Variants in ADGRF4 observed in about 807,000 individuals in gnomAD.
ADGRF4 encodes G-protein coupled receptor PGR18.
In ADGRF4, 63 loss-of-function variants were observed where a neutral mutation model predicts 58.5. The observed-to-expected ratio is 1.08, with a 90% CI of 0.88 to 1.33. The LOEUF is 1.33. Ranked by LOEUF, ADGRF4 falls within the 40% of genes most tolerant of loss-of-function variation. The pLI, the probability that ADGRF4 is intolerant of heterozygous loss-of-function variation, is 0.00. For synonymous variants in ADGRF4, 313 were observed against 295.4 expected (o/e 1.06, Z -0.61); for missense variants, 931 against 843.9 (o/e 1.10, Z -1.28).
chr6:47,712,698 G>T (rs1771903176), intron 5 of ADGRF4, 90 bp downstream of exon 5: 4 of 916,368 alleles, frequency 4.4e-6, no homozygotes, highest in Non-Finnish European at 6.7e-6. Flanking sequence ...AAAAACTACA[G>T]TGACAGCAAC....
chr6:47,710,790 G>T lies in ADGRF4; in HGVS notation c.204G>T (p.Lys68Asn). 6.2e-7 allele frequency: 1 copy of T among 1,613,442 alleles called. No individual in the cohort carries two copies. Among genetic ancestry groups the T allele is most frequent in the Non-Finnish European group, 8.5e-7 (1 of 1,179,640 alleles). The change falls in exon 4 of 10, where the codon AAG becomes AAT. Residue 68 changes from lysine to asparagine, a missense_variant. By Grantham distance (94) the Lys-to-Asn change is moderately conservative. Coordinates refer to ENST00000283303, the MANE Select transcript of ADGRF4 (RefSeq NM_153838.5). ...CCAACTGCAGCCAGCCCTGTGCTAAGGACTTTCATGGAGAAATAGGATTTA... is the reference window on the plus strand; with the variant it reads ...CCAACTGCAGCCAGCCCTGTGCTAATGACTTTCATGGAGAAATAGGATTTA... ...SSSNCSQPCA[K>N]DFHGEIGFTC...
At chr6:47,712,966 C>T (rs1451535378) in intron 5 of ADGRF4, among the ~76,000 whole-genome samples, 1 of 152,168 alleles carries the variant, frequency 6.6e-6, no homozygotes, top group African/African-American at 2.4e-5. Context: ...AGGATCTGGG[C>T]TACACAGCAG....
Position 47,715,020 on chromosome 6 carries a change from C to G in ADGRF4, c.1775C>G (p.Ser592Cys). 1.2e-6 allele frequency: 2 copies of G among 1,613,290 alleles called. No homozygotes were observed. The highest frequency in any genetic ancestry group is 1.3e-5 in the African/African-American group (1 of 75,020). Reference protein sequence around the residue: ...VNTQRPSIGSSKSQDVVIIMR... With the variant: ...VNTQRPSIGSCKSQDVVIIMR... ...ACTCAGAGGCCCTCTATTGGCAGTT[C>G]CAAGTCTCAGGATGTGGTCATAATT... Residue 592 changes from serine (S) to cysteine (C), a missense_variant, in exon 6 of 10, where the codon TCC becomes TGC. By Grantham distance (112) the Ser-to-Cys change is moderately radical. Coordinates refer to ENST00000283303, the MANE Select transcript of ADGRF4 (RefSeq NM_153838.5).
intron 2 of ADGRF4, 49 bp downstream of exon 2, chr6:47,707,387 C>T (rs369314829): frequency 8.5e-6 from 9 of 1,053,090 alleles, no homozygotes; most frequent in African/African-American, 1.6e-5. Context: ...CTCTCAGTTG[C>T]CCTCAATGGC....
chr6:47,708,220 T>C lies in ADGRF4; in HGVS notation c.94-4T>C, dbSNP rs368835641. ...GAGGACCATTGGGAATTTATATTTT[T>C]CAGGCTGGAGATAAACTTCAAAGCC... On this transcript the variant is annotated splice_polypyrimidine_tract_variant and splice_region_variant and intron_variant, in intron 2 of 9. Transcript: ENST00000283303. 4.3e-6 allele frequency: 7 copies of C among 1,610,610 alleles called. No homozygotes were observed. The African/African-American group carries it at 6.7e-5, about 15-fold the overall frequency.
At chr6:47,703,752 A>T (rs1771642025) in intron 1 of ADGRF4, among the ~76,000 whole-genome samples, 2 of 152,196 alleles carry the variant, frequency 1.3e-5, no homozygotes, top group Non-Finnish European at 2.9e-5. Context: ...TATGCTAGTA[A>T]AAGTTTTTAT....
At chr6:47,713,774 A>G (rs1771928868) in intron 5 of ADGRF4, 24 bp from the exon 6 acceptor site, 1 of 1,499,360 alleles carries the variant, frequency 6.7e-7, no homozygotes, top group African/African-American at 1.4e-5. Context: ...TCCTTAGTAT[A>G]ATGTTCACCT....
chr6:47,719,744 C>T (rs927117121), intron 9 of ADGRF4, among the ~76,000 whole-genome samples: 2 of 152,108 alleles, frequency 1.3e-5, no homozygotes, highest in Non-Finnish European at 2.9e-5. Flanking sequence ...CCTAGGTTGG[C>T]TGTAGTCTAA....
intron 9 of ADGRF4, among the ~76,000 whole-genome samples, chr6:47,720,531 C>A (rs1320664195): frequency 6.6e-6 from 1 of 152,102 alleles, no homozygotes; most frequent in East Asian, 1.9e-4. Flanking sequence ...CAGGTGGTCC[C>A]AGGGTCAGGG....
rs75351221 is a variant in ADGRF4 at position 47,712,135 on chromosome 6, T to C, written c.301-222T>C. On this transcript the variant is annotated intron_variant, in intron 4 of 9. Transcript: ENST00000283303. ...TCACTGTCCTGAAAGCAAATTCCAA[T>C]AGTAAAGGTCAATATCCTGGTTTCT... Among the ~76,000 whole-genome samples the C allele has an allele frequency of 4.2e-3, 643 of 152,334 alleles. 4 individuals are homozygous for C. Among genetic ancestry groups the C allele is most frequent in the African/African-American group, 0.014 (596 of 41,570 alleles).
rs575297099 is a variant in ADGRF4 at position 47,715,245 on chromosome 6, A to C, written c.1932+68A>C. 35 of 1,127,920 alleles carry C rather than the reference A, an allele frequency of 3.1e-5. No homozygotes were observed. In the African/African-American group the frequency reaches 4.7e-4, roughly 15 times the overall value. The allele number at this position is 1,127,920 out of a possible 1,614,324, so 69.9% of individuals were successfully genotyped here. A position where few individuals can be genotyped will look rare whatever the true frequency, so the allele number is the denominator to read the frequency against. ...ACCACAAAAAAATGGCTATGATTTG[A>C]AATTATATAACACAAAATGTTCTCT... On this transcript the variant is annotated intron_variant, in intron 6 of 9. Coordinates refer to ENST00000283303, the MANE Select transcript of ADGRF4 (RefSeq NM_153838.5).
intron 1 of ADGRF4, among the ~76,000 whole-genome samples, chr6:47,699,940 C>A (rs911315357): frequency 6.6e-6 from 1 of 151,384 alleles, no homozygotes; most frequent in Non-Finnish European, 1.5e-5. Context: ...CACACCCCCC[C>A]CCCCAAAATG....
chr6:47,717,391 T>A (rs759465191), intron 8 of ADGRF4, 40 bp downstream of exon 8: 22 of 1,381,836 alleles, frequency 1.6e-5, no homozygotes, highest in Non-Finnish European at 2.2e-5. Flanking sequence ...GGAGAGTCCG[T>A]GTCCTTGCCG....
chr6:47,710,828 A>G lies in ADGRF4; in HGVS notation c.242A>G (p.Lys81Arg), dbSNP rs1484353325. ...HGEIGFTCNQ[K>R]KWQKSAETCT... ...GAAATAGGATTTACATGTAATCAAAAAAAGTGGCAAAAATCAGCTGAAACA... is the reference window on the plus strand; with the variant it reads ...GAAATAGGATTTACATGTAATCAAAGAAAGTGGCAAAAATCAGCTGAAACA... Residue 81 changes from lysine to arginine, a missense_variant, in exon 4 of 10, where the codon AAA becomes AGA. By Grantham distance (26) the Lys-to-Arg change is conservative. Coordinates refer to ENST00000283303, the MANE Select transcript of ADGRF4 (RefSeq NM_153838.5). The G allele has an allele frequency of 6.2e-7, 1 of 1,614,134 alleles. No homozygotes were observed. Among genetic ancestry groups the G allele is most frequent in the Non-Finnish European group, 8.5e-7 (1 of 1,179,984 alleles).
In ADGRF4 at chr6:47,715,049, A is replaced by T; in HGVS notation, c.1804A>T (p.Arg602Trp). The T allele has an allele frequency of 6.2e-7, 1 of 1,613,402 alleles. No individual in the cohort carries two copies. The highest frequency in any genetic ancestry group is 8.5e-7 in the Non-Finnish European group (1 of 1,179,368). Residue 602 changes from arginine to tryptophan, a missense_variant, in exon 6 of 10, where the codon AGG becomes TGG. Arg to Trp is a moderately radical substitution (Grantham distance 101). Coordinates refer to ENST00000283303, the MANE Select transcript of ADGRF4 (RefSeq NM_153838.5). ...GTCTCAGGATGTGGTCATAATTATG[A>T]GGATCAGCAAAAATGTTGCCATCCT... ...SKSQDVVIIMRISKNVAILTP... is the reference protein window; with the variant it reads ...SKSQDVVIIMWISKNVAILTP...
At chr6:47,717,457 T>C in intron 8 of ADGRF4, 106 bp downstream of exon 8, 1 of 781,400 alleles carries the variant, frequency 1.3e-6, no homozygotes, top group Non-Finnish European at 2.3e-6. Flanking sequence ...GCAAAGAGGA[T>C]CAATAAAGCG....
rs1473723267 is a variant in ADGRF4 at position 47,713,847 on chromosome 6, A to G, written c.602A>G (p.Asn201Ser). ...ATCCTCGACACAGCAGCCATTTCAA[A>G]CTGGGCTTTCATTCCCAACAAAAAT... ...NHILDTAAIS[N>S]WAFIPNKNAS... is the part of the protein sequence containing the mutation. Residue 201 changes from asparagine to serine, a missense_variant, in exon 6 of 10, where the codon AAC becomes AGC. By Grantham distance (46) the Asn-to-Ser change is conservative. Coordinates refer to ENST00000283303, the MANE Select transcript of ADGRF4 (RefSeq NM_153838.5). 6 of 1,590,212 alleles carry G rather than the reference A, an allele frequency of 3.8e-6. No homozygotes were observed. Among genetic ancestry groups the G allele is most frequent in the South Asian group, 1.2e-5 (1 of 85,876 alleles).
In ADGRF4 at chr6:47,712,549, GA is replaced by G. The variant is rs1771899368; in HGVS notation, c.494del (p.Glu165GlyfsTer3). ...TTSGNIAFIV[E>X]LLKNISTDLS... Reference sequence around the variant, plus strand: ...ATCTGGAAATATTGCATTTATAGTGGAGTTATTAAAAAATATTTCTACAGAC... The same window carrying G: ...ATCTGGAAATATTGCATTTATAGTGGGTTATTAAAAAATATTTCTACAGAC... On this transcript the variant is annotated frameshift_variant, in exon 5 of 10. Transcript: ENST00000283303. LOFTEE classifies it high-confidence loss of function. 5.0e-6 allele frequency: 8 copies of G among 1,603,806 alleles called. No individual in the cohort carries two copies. Among genetic ancestry groups the G allele is most frequent in the Non-Finnish European group, 6.8e-6 (8 of 1,170,584 alleles).
chr6:47,713,941 G>T lies in ADGRF4; in HGVS notation c.696G>T (p.Glu232Asp). ...AACTCCACATCCACAATAATTCTGA[G>T]AACATTGTGAATGAACTCTTCATTC... is the stretch of plus-strand genomic sequence containing the variant. Reference protein sequence around the residue: ...ARQLHIHNNSENIVNELFIQT... With the variant: ...ARQLHIHNNSDNIVNELFIQT... Residue 232 changes from glutamate (E) to aspartate (D), a missense_variant, in exon 6 of 10, where the codon GAG (glutamate) becomes GAT (aspartate). Physicochemically the swap from Glu to Asp is conservative, Grantham distance 45. Transcript: ENST00000283303. 1 of 1,609,516 alleles carries T rather than the reference G, an allele frequency of 6.2e-7. No individual in the cohort carries two copies.
Sources: allele counts gnomAD v4.1 joint callset (sites outside exome capture counted in the v4.1 genomes callset), GRCh38; gene constraint gnomAD v4.1.1; transcripts MANE v1.5; gene names NCBI Gene and HGNC (gene_info 2026-07-23, HGNC 2026-07-21).